The following ATG7 variants were observed in gnomAD, a reference collection of about 807,000 sequenced individuals.
ATG7 encodes the protein autophagy related 7.
ATG7 carries 70 observed loss-of-function variants against 82.4 expected under a neutral mutation model. The observed-to-expected ratio is 0.85, with a 90% CI of 0.70 to 1.04. ATG7 has a LOEUF of 1.04. ATG7 is among the 50% of genes least tolerant of loss of function. The pLI is 0.00. For missense variants in ATG7, 792 were observed against 864.3 expected (o/e 0.92, Z 1.05); for synonymous variants, 287 against 313.0 (o/e 0.92, Z 0.88).
chr3:11,446,136 A>G (rs2152976786), intron 20 of ATG7, among the ~76,000 whole-genome samples: 1 of 151,268 alleles, frequency 6.6e-6, no homozygotes, highest in African/African-American at 2.4e-5. Context: ...TCATTTGCTA[A>G]ATAAAAGTAT....
intron 20 of ATG7, among the ~76,000 whole-genome samples, chr3:11,430,250 G>A (rs1001833712): frequency 2.6e-5 from 4 of 152,064 alleles, no homozygotes; most frequent in Non-Finnish European, 4.4e-5. Flanking sequence ...AAAAATTACT[G>A]TTCTAACTAC....
intron 20 of ATG7, among the ~76,000 whole-genome samples, chr3:11,471,774 CTA>C (rs1181161187): frequency 1.0e-5 from 1 of 98,548 alleles, no homozygotes; most frequent in Non-Finnish European, 1.9e-5. Context: ...AATGTAGTCT[CTA>C]TCGCCCAGGC....
At chr3:11,360,055 T>C (rs2076188684) in intron 15 of ATG7, among the ~76,000 whole-genome samples, 3 of 152,212 alleles carry the variant, frequency 2.0e-5, no homozygotes, top group African/African-American at 7.2e-5. Flanking sequence ...TTTGCTTTTT[T>C]CTTTTTCAGA....
At chr3:11,325,438 A>C (rs1950741114) in intron 9 of ATG7, among the ~76,000 whole-genome samples, 1 of 152,166 alleles carries the variant, frequency 6.6e-6, no homozygotes, top group Non-Finnish European at 1.5e-5. Context: ...TTGGGAGGCC[A>C]AGGTGGGCAG....
intron 18 of ATG7, among the ~76,000 whole-genome samples, chr3:11,370,638 T>C (rs939770399): frequency 6.6e-6 from 1 of 151,220 alleles, no homozygotes; most frequent in African/African-American, 2.4e-5. Context: ...TGCTGGGCAT[T>C]GGATCTTAGC....
intron 20 of ATG7, among the ~76,000 whole-genome samples, chr3:11,447,502 T>C (rs2084686654): frequency 6.6e-6 from 1 of 152,006 alleles, no homozygotes; most frequent in African/African-American, 2.4e-5. Flanking sequence ...TATTGCTTAA[T>C]GAAACCAGGT....
chr3:11,500,856 C>T (rs1329521728), intron 20 of ATG7, among the ~76,000 whole-genome samples: 2 of 152,214 alleles, frequency 1.3e-5, no homozygotes, highest in African/African-American at 2.4e-5. Flanking sequence ...TTCTCGATCT[C>T]CTGACCTTGT....
intron 20 of ATG7, among the ~76,000 whole-genome samples, chr3:11,486,718 A>T: frequency 6.6e-6 from 1 of 151,692 alleles, no homozygotes; most frequent in African/African-American, 2.4e-5. Flanking sequence ...TCCCATCAGT[A>T]CCTAATTTAT....
chr3:11,464,385 T>A (rs773103098), intron 20 of ATG7, among the ~76,000 whole-genome samples: 12 of 152,198 alleles, frequency 7.9e-5, no homozygotes, highest in Non-Finnish European at 1.8e-4. Flanking sequence ...AATTAAAAAT[T>A]AAAAAATTAT....
intron 1 of ATG7, 70 bp downstream of exon 1, chr3:11,272,500 G>A (rs534538108): frequency 8.5e-5 from 13 of 152,782 alleles, no homozygotes; most frequent in South Asian, 4.1e-4. Context: ...CTGGAGTCAA[G>A]GGGCGAGCTC....
rs1380467667 is a variant in ATG7, at chr3:11,516,347, TTAAAA to T, written c.2080-38463_2080-38459del. 2.0e-5 allele frequency among the ~76,000 whole-genome samples: 3 copies of T among 150,096 alleles called. No homozygotes were observed. In the South Asian group the frequency reaches 6.3e-4, roughly 31 times the overall value. On this transcript the variant is annotated intron_variant, in intron 20 of 20. Coordinates refer to ENST00000693202, the MANE Select transcript of ATG7 (RefSeq NM_001349232.2). The stretch of plus-strand genomic sequence containing the variant: ...AACTTAAAGTATAATAATAATAAAA[TTAAAA>T]AAAAAAAGATGTTCCACATCATATG...
At chr3:11,485,519 T>C (rs1486981467) in intron 20 of ATG7, among the ~76,000 whole-genome samples, 1 of 152,218 alleles carries the variant, frequency 6.6e-6, no homozygotes, top group African/African-American at 2.4e-5. Context: ...GTAGTTTCTT[T>C]TGCTGTGCAG....
chr3:11,327,569 C>T (rs1262225966), intron 9 of ATG7, among the ~76,000 whole-genome samples: 2 of 152,316 alleles, frequency 1.3e-5, no homozygotes, highest in East Asian at 3.9e-4. Flanking sequence ...CTGGACCATA[C>T]TTTGAGAAAT....
chr3:11,455,199 C>A (rs1274641093), intron 20 of ATG7, among the ~76,000 whole-genome samples: 1 of 152,096 alleles, frequency 6.6e-6, no homozygotes, highest in Non-Finnish European at 1.5e-5. Flanking sequence ...GTGTAGAATG[C>A]CTTGTTGATT....
downstream of ATG7, chr3:11,558,953 G>T: frequency 1.7e-6 from 2 of 1,163,330 alleles, no homozygotes; most frequent in Non-Finnish European, 2.4e-6. Flanking sequence ...GGGCTCTGCA[G>T]ACAGAACCCA....
At chr3:11,455,667 C>T (rs944664380) in intron 20 of ATG7, among the ~76,000 whole-genome samples, 2 of 152,144 alleles carry the variant, frequency 1.3e-5, no homozygotes, top group East Asian at 1.9e-4. Flanking sequence ...CTGCCCAGAC[C>T]GGGGCTGTCT....
chr3:11,284,187 ATTTC>A (rs1202108931), intron 3 of ATG7, among the ~76,000 whole-genome samples: 1 of 152,064 alleles, frequency 6.6e-6, no homozygotes, highest in Non-Finnish European at 1.5e-5. Context: ...AAAATCCTGT[ATTTC>A]TTCATTAAAA....
chr3:11,478,869 T>A (rs2088571153), intron 20 of ATG7, among the ~76,000 whole-genome samples: 1 of 152,174 alleles, frequency 6.6e-6, no homozygotes, highest in Non-Finnish European at 1.5e-5. Flanking sequence ...GCATTTATTA[T>A]TTAATAAGTA....
Position 11,555,470 on chromosome 3 carries a change from T to C in ATG7, c.*627T>C, listed in dbSNP as rs2072316051. ...ACATGGCTTTCTGCCTCCCAGCCTG[T>C]CCTCCACTGTGGGCATAGCATCTGT... On this transcript the variant is annotated 3_prime_UTR_variant, in exon 21 of 21. Coordinates refer to ENST00000693202, the MANE Select transcript of ATG7 (RefSeq NM_001349232.2). 6.5e-6 allele frequency: 1 copy of C among 152,728 alleles called. No homozygotes were observed. Among genetic ancestry groups the C allele is most frequent in the African/African-American group, 2.4e-5 (1 of 41,376 alleles). The allele number at this position is 152,728 out of a possible 1,614,324, so 9.5% of individuals were successfully genotyped here. A position where few individuals can be genotyped will look rare whatever the true frequency, so the allele number is the denominator to read the frequency against.
Sources: allele counts gnomAD v4.1 joint callset (sites outside exome capture counted in the v4.1 genomes callset), GRCh38; gene constraint gnomAD v4.1.1; transcripts MANE v1.5; gene names NCBI Gene and HGNC (gene_info 2026-07-23, HGNC 2026-07-21).